Variants in WDPCP observed in about 807,000 individuals in gnomAD.
WDPCP encodes WD repeat containing planar cell polarity effector, also known as WD repeat-containing and planar cell polarity effector protein fritz homolog.
In WDPCP, 71 loss-of-function variants were observed where a neutral mutation model predicts 93.1. The observed-to-expected ratio is 0.76, with a 90% CI of 0.63 to 0.93. The LOEUF is 0.93. WDPCP is among the 40% of genes least tolerant of loss of function. The pLI, the probability that WDPCP is intolerant of heterozygous loss-of-function variation, is 0.00. For synonymous variants in WDPCP, 315 were observed against 315.0 expected, an observed-to-expected ratio of 1.00 and a Z score of 0.00; for missense variants, 844 against 887.4, an observed-to-expected ratio of 0.95 and a Z score of 0.62.
intron 3 of WDPCP, chr2:63,604,651 A>C: frequency 6.6e-7 from 1 of 1,510,336 alleles, no homozygotes; most frequent in Non-Finnish European, 9.0e-7. Context: ...AATTGGAAAT[A>C]AAAACCATTT....
At chr2:63,672,432 T>C (rs1198989609) in intron 2 of WDPCP, among the ~76,000 whole-genome samples, 2 of 149,200 alleles carry the variant, frequency 1.3e-5, no homozygotes, top group South Asian at 2.1e-4. Flanking sequence ...GAAATTGTCA[T>C]AGAAATATTT....
At chr2:63,829,982 C>T (rs1482617156), upstream of WDPCP, among the ~76,000 whole-genome samples, 1 of 151,970 alleles carries the variant, frequency 6.6e-6, no homozygotes, top group African/African-American at 2.4e-5. Context: ...TTATTATGTC[C>T]ACTGATTACT....
intron 14 of WDPCP, among the ~76,000 whole-genome samples, chr2:63,185,054 G>A (rs1204149769): frequency 6.6e-6 from 1 of 151,964 alleles, no homozygotes; most frequent in African/African-American, 2.4e-5. Flanking sequence ...CAAAAGTTAT[G>A]TTTGTTCATT....
intron 12 of WDPCP, among the ~76,000 whole-genome samples, chr2:63,335,599 T>A (rs1416444835): frequency 6.6e-6 from 1 of 152,248 alleles, no homozygotes; most frequent in East Asian, 1.9e-4. Context: ...ATTTCTTAAT[T>A]TCCTTCTTAA....
intron 1 of WDPCP, among the ~76,000 whole-genome samples, chr2:63,531,361 G>C (rs976226470): frequency 6.6e-6 from 1 of 152,222 alleles, no homozygotes; most frequent in Non-Finnish European, 1.5e-5. Flanking sequence ...CATGGAGTCT[G>C]AGATCTGAGA....
intron 14 of WDPCP, among the ~76,000 whole-genome samples, chr2:63,200,739 T>C (rs1177417487): frequency 6.6e-6 from 1 of 152,122 alleles, no homozygotes; most frequent in Admixed American, 6.5e-5. Context: ...GAATAAGACC[T>C]AGTATTTGCT....
chr2:63,375,389 A>G (rs1691762076), intron 12 of WDPCP, among the ~76,000 whole-genome samples: 2 of 151,930 alleles, frequency 1.3e-5, no homozygotes, highest in Non-Finnish European at 1.5e-5. Flanking sequence ...TATAAATTAG[A>G]TTCTATCATC....
chr2:63,461,251 C>A (rs144755321), intron 6 of WDPCP, among the ~76,000 whole-genome samples: 112 of 152,194 alleles, frequency 7.4e-4, no homozygotes, highest in African/African-American at 2.6e-3. Flanking sequence ...GTGGGGCCTG[C>A]GGGGAGGTAT....
At chr2:63,763,501 C>CA (rs746333217) in intron 2 of WDPCP, among the ~76,000 whole-genome samples, 4,293 of 65,068 alleles carry the variant, frequency 0.066, 76 homozygotes, top group East Asian at 0.081. Context: ...GACTTTGTCT[C>CA]AAAAAAAAAA....
chr2:63,764,451 G>C (rs1670108683), intron 2 of WDPCP, among the ~76,000 whole-genome samples: 1 of 152,116 alleles, frequency 6.6e-6, no homozygotes, highest in Admixed American at 6.5e-5. Context: ...CTCTGAGAAA[G>C]CTACCTGGGA....
At chr2:63,723,010 T>C (rs1394071607) in intron 2 of WDPCP, among the ~76,000 whole-genome samples, 4 of 152,216 alleles carry the variant, frequency 2.6e-5, no homozygotes, top group Non-Finnish European at 5.9e-5. Flanking sequence ...CTCTGAAACA[T>C]GTGCTGTGTC....
At chr2:63,458,805 C>T (rs936681332) in intron 6 of WDPCP, among the ~76,000 whole-genome samples, 5 of 152,042 alleles carry the variant, frequency 3.3e-5, no homozygotes, top group African/African-American at 9.7e-5. Context: ...AATCTGGAGG[C>T]ATCACACTAC....
At chr2:63,837,280 G>A in the WDPCP span, among the ~76,000 whole-genome samples, 188 of 152,254 alleles carry the variant, frequency 1.2e-3, no homozygotes, top group Non-Finnish European at 3.8e-4. Context: ...AAGCCCGTTT[G>A]GTTACCTTTT....
At chr2:63,653,336 C>G (rs1575739416) in intron 2 of WDPCP, among the ~76,000 whole-genome samples, 1 of 152,290 alleles carries the variant, frequency 6.6e-6, no homozygotes, top group South Asian at 2.1e-4. Context: ...AGGATTGGGA[C>G]TGAATCAGGT....
intron 14 of WDPCP, among the ~76,000 whole-genome samples, chr2:63,234,124 G>C (rs1679168747): frequency 6.6e-6 from 1 of 152,104 alleles, no homozygotes; most frequent in Non-Finnish European, 1.5e-5. Flanking sequence ...CCATCATACA[G>C]TAAATACTAA....
chr2:63,278,004 T>C (rs1404168147), intron 13 of WDPCP, among the ~76,000 whole-genome samples: 1 of 152,168 alleles, frequency 6.6e-6, no homozygotes, highest in East Asian at 1.9e-4. Flanking sequence ...GAAGACCATA[T>C]GACAGGCCAC....
At chr2:63,790,602 A>C (rs1378157895) in intron 2 of WDPCP, among the ~76,000 whole-genome samples, 1 of 152,204 alleles carries the variant, frequency 6.6e-6, no homozygotes, top group East Asian at 1.9e-4. Context: ...TATAATAGAC[A>C]GTAGGATAAG....
chr2:63,699,015 G>C (rs62177961), intron 2 of WDPCP, among the ~76,000 whole-genome samples: 4,435 of 152,282 alleles, frequency 0.029, 91 homozygotes, highest in Non-Finnish European at 0.047. Flanking sequence ...AGACATCACA[G>C]TGACTCATCT....
chr2:63,347,317 TTATAA>T (rs2104513789), intron 12 of WDPCP, among the ~76,000 whole-genome samples: 1 of 152,322 alleles, frequency 6.6e-6, no homozygotes, highest in African/African-American at 2.4e-5. Flanking sequence ...TAATTTTTGA[TTATAA>T]GTATATCTGA....
Sources: gnomAD v4.1 joint callset for allele counts (sites outside exome capture counted in the v4.1 genomes callset) on GRCh38, gnomAD v4.1.1 for gene constraint, MANE v1.5 for transcripts, NCBI Gene and HGNC (gene_info 2026-07-23, HGNC 2026-07-21) for gene names.